The following URGCP variants were observed in gnomAD, a reference collection of about 807,000 sequenced individuals.
URGCP encodes up-regulator of cell proliferation.
Under a neutral mutation model 24.6 loss-of-function variants are expected in URGCP, and 13 were observed. The observed-to-expected ratio is 0.53, with a 90% CI of 0.34 to 0.84. The LOEUF (loss-of-function observed/expected upper bound fraction) is 0.84. Among genes scored for constraint, URGCP ranks in the 40% least tolerant of loss-of-function variants. URGCP has a pLI of 0.01. For synonymous variants in URGCP, 444 were observed against 487.2 expected, an observed-to-expected ratio of 0.91 and a Z score of 1.17; for missense variants, 899 against 1,194.3, an observed-to-expected ratio of 0.75 and a Z score of 3.64.
chr7:43,924,193 T>C (rs1411654112), intron 1 of URGCP, among the ~76,000 whole-genome samples: 2 of 152,162 alleles, frequency 1.3e-5, no homozygotes, highest in African/African-American at 4.8e-5. Flanking sequence ...TCTTGCAACA[T>C]TTCTGTACAT....
At chr7:43,896,399 G>C (rs2132689686) in intron 1 of URGCP, among the ~76,000 whole-genome samples, 1 of 149,802 alleles carries the variant, frequency 6.7e-6, no homozygotes, top group East Asian at 2.0e-4. Context: ...AGATTGCAGT[G>C]AGCCAAGATT....
Position 43,918,996 on chromosome 7 carries a change from G to A in URGCP, c.-116+7136C>T, listed in dbSNP as rs61750940. 3.7e-3 allele frequency: 4,631 copies of A among 1,242,642 alleles called. 122 individuals are homozygous for A. The African/African-American group carries it at 0.059, about 16-fold the overall frequency. The allele number at this position is 1,242,642 out of a possible 1,614,324, so 77.0% of individuals were successfully genotyped here. A position where few individuals can be genotyped will look rare whatever the true frequency, so the allele number is the denominator to read the frequency against. On this transcript the variant is annotated intron_variant, in intron 1 of 5. Transcript: ENST00000426198. ...CCTGTCGGAGCATGGGGGAAGAGCT[G>A]GCAACAACTGGGCCAGCAGATTCTC...
At chr7:43,907,219 A>C (rs1053874286), upstream of URGCP, 9 of 152,200 alleles carry the variant, frequency 5.9e-5, no homozygotes, top group African/African-American at 1.9e-4. Context: ...AGGCAGGTAG[A>C]TTTTTCAGCT....
intron 5 of URGCP, among the ~76,000 whole-genome samples, chr7:43,880,788 CCA>C (rs1395382363): frequency 6.6e-6 from 1 of 152,170 alleles, no homozygotes; most frequent in African/African-American, 2.4e-5. Context: ...AGCCTTTTTT[CCA>C]GTTCCTTTCT....
At chr7:43,923,877 T>C (rs1209755871) in intron 1 of URGCP, among the ~76,000 whole-genome samples, 1 of 145,314 alleles carries the variant, frequency 6.9e-6, no homozygotes. Flanking sequence ...TGTATTATTA[T>C]TATTTTTTTT....
At chr7:43,906,366 C>A in intron 1 of URGCP, 196 bp downstream of exon 1, 1 of 353,352 alleles carries the variant, frequency 2.8e-6, no homozygotes, top group South Asian at 1.3e-4. Context: ...CCGCCCGCCC[C>A]CCACGCCCGC....
chr7:43,890,621 C>A (rs1222953520), intron 1 of URGCP, among the ~76,000 whole-genome samples: 1 of 152,234 alleles, frequency 6.6e-6, no homozygotes, highest in African/African-American at 2.4e-5. Context: ...GTGTCAGACA[C>A]TGCCTAGGGG....
intron 1 of URGCP, among the ~76,000 whole-genome samples, chr7:43,914,309 C>A (rs369905529): frequency 1.3e-5 from 2 of 152,060 alleles, no homozygotes; most frequent in African/African-American, 4.8e-5. Context: ...TGAGATCAGC[C>A]TGGGAAACAT....
At position 43,877,791 on chromosome 7, in the gene URGCP, G is replaced by C. The variant is rs781744095; in HGVS notation, c.1672C>G (p.Pro558Ala). Residue 558 changes from proline to alanine, a missense_variant, in exon 6 of 6, where the codon CCC becomes GCC. By Grantham distance (27) the Pro-to-Ala change is conservative (BLOSUM62 -1). Coordinates refer to ENST00000453200, the MANE Select transcript of URGCP (RefSeq NM_001077663.3). ...VQEFISGISS[P>A]SLSEKQYFLR... The stretch of plus-strand genomic sequence containing the variant: ...AAGTACTGCTTCTCACTCAAGGAGG[G>C]GCTGCTGATCCCCGAGATGAACTCC... The C allele has an allele frequency of 1.9e-6, 3 of 1,602,718 alleles. No homozygotes were observed. In the South Asian group the frequency reaches 3.3e-5, roughly 18 times the overall value.
intron 1 of URGCP, among the ~76,000 whole-genome samples, chr7:43,901,964 C>T (rs542801716): frequency 1.3e-5 from 2 of 152,180 alleles, no homozygotes; most frequent in Admixed American, 6.5e-5. Flanking sequence ...CTGAGAGGAG[C>T]AGCCAGGAGG....
upstream of URGCP, chr7:43,906,701 G>A: frequency 2.1e-6 from 2 of 975,418 alleles, no homozygotes; most frequent in Non-Finnish European, 2.5e-6. Context: ...GGTGGAGGTG[G>A]GGTGAGGTGG....
rs749320527 is a variant in URGCP, at chr7:43,877,317, G to A, written c.2146C>T (p.Arg716Trp). 5 of 1,612,802 alleles carry A rather than the reference G, an allele frequency of 3.1e-6. No individual in the cohort carries two copies. The highest frequency in any genetic ancestry group is 4.5e-5 in the East Asian group (2 of 44,894). ...STLLNTMFGLRFATGKSCGPR... is the reference protein window; with the variant it reads ...STLLNTMFGLWFATGKSCGPR... ...CCGCAGCTCTTCCCTGTGGCAAACC[G>A]CAGCCCAAACATGGTGTTGAGGAGT... The change falls in exon 6 of 6, where the codon CGG (arginine) becomes TGG (tryptophan). Residue 716 changes from arginine (R) to tryptophan (W), a missense_variant. Coordinates refer to ENST00000453200, the MANE Select transcript of URGCP (RefSeq NM_001077663.3).
At chr7:43,880,192 G>T (rs1037758042) in intron 5 of URGCP, among the ~76,000 whole-genome samples, 1 of 152,082 alleles carries the variant, frequency 6.6e-6, no homozygotes, top group Non-Finnish European at 1.5e-5. Flanking sequence ...CAAAGTGCTG[G>T]GATTACAGGT....
chr7:43,879,256 C>T lies in URGCP; in HGVS notation c.207G>A (p.Glu69=). 3 of 1,606,126 alleles carry T rather than the reference C, an allele frequency of 1.9e-6. No homozygotes were observed. Among genetic ancestry groups the T allele is most frequent in the Non-Finnish European group, 1.7e-6 (2 of 1,177,628 alleles). Residue 69 remains glutamate (E), a synonymous_variant, in exon 6 of 6, where the codon GAG becomes GAA. Transcript: ENST00000453200. ...EAQDNDFPTV[E]RSRLQEMLSL... ...ACAGCATTTCTTGAAGCCTGCTTCT[C>T]TCCACTGTGGAAAGAAATGAAGACA...
At chr7:43,904,689 C>T (rs2095897812) in intron 1 of URGCP, among the ~76,000 whole-genome samples, 1 of 152,184 alleles carries the variant, frequency 6.6e-6, no homozygotes, top group African/African-American at 2.4e-5. Context: ...AGTCATGAGT[C>T]ACTTAACAAC....
intron 1 of URGCP, among the ~76,000 whole-genome samples, chr7:43,894,380 G>A (rs963500879): frequency 2.0e-5 from 3 of 152,052 alleles, no homozygotes; most frequent in Non-Finnish European, 4.4e-5. Flanking sequence ...AGACACTCTC[G>A]TTCTGTTGCC....
intron 1 of URGCP, among the ~76,000 whole-genome samples, chr7:43,905,392 G>A (rs1468562534): frequency 1.3e-5 from 2 of 152,088 alleles, no homozygotes; most frequent in African/African-American, 4.8e-5. Flanking sequence ...AGCTCAAAGT[G>A]CTGGGTAGTC....
intron 1 of URGCP, 196 bp from the exon 2 acceptor site, chr7:43,888,012 T>C: frequency 3.6e-6 from 2 of 560,162 alleles, no homozygotes; most frequent in Non-Finnish European, 6.3e-6. Context: ...AGCTGTTATA[T>C]TAATTAGTCG....
rs140462914 is a variant in URGCP at position 43,914,038 on chromosome 7, C to T, written c.-116+12094G>A. 1.2e-4 allele frequency among the ~76,000 whole-genome samples: 18 copies of T among 150,346 alleles called. 1 individual carries two copies. In the East Asian group the frequency reaches 2.8e-3, roughly 23 times the overall value. On this transcript the variant is annotated intron_variant, in intron 1 of 5. Transcript: ENST00000426198. ...TTTTATAGAGACTATCTTGCTCTGT[C>T]ACTCAGGCTGGAGTGCAGTGGCGTG...
Sources: gnomAD v4.1 joint callset for allele counts (sites outside exome capture counted in the v4.1 genomes callset) on GRCh38, gnomAD v4.1.1 for gene constraint, MANE v1.5 for transcripts, NCBI Gene and HGNC (gene_info 2026-07-23, HGNC 2026-07-21) for gene names.